Variants in SLC17A6 observed in about 807,000 individuals in gnomAD.
The protein encoded by SLC17A6 is vesicular glutamate transporter 2.
A neutral mutation model predicts 67.1 loss-of-function variants in SLC17A6; 35 were observed. That is an observed-to-expected ratio of 0.52 (90% CI 0.40 to 0.69). The LOEUF (loss-of-function observed/expected upper bound fraction) is 0.69. Among genes scored for constraint, SLC17A6 ranks in the 30% least tolerant of loss-of-function variants. The pLI is 0.00. For synonymous variants in SLC17A6, 285 were observed against 252.3 expected, an observed-to-expected ratio of 1.13 and a Z score of -1.23; for missense variants, 588 against 723.9, an observed-to-expected ratio of 0.81 and a Z score of 2.15.
At chr11:22,376,809 A>C (rs1353979997) in intron 11 of SLC17A6, 137 bp downstream of exon 11, 8 of 848,846 alleles carry the variant, frequency 9.4e-6, no homozygotes, top group African/African-American at 3.4e-5. Flanking sequence ...GGAAATATAA[A>C]TGAGGCTCAG....
At chr11:22,339,038 A>T (rs975470260) in intron 1 of SLC17A6, among the ~76,000 whole-genome samples, 5 of 144,906 alleles carry the variant, frequency 3.5e-5, no homozygotes, top group African/African-American at 1.3e-4. Context: ...AAAAATAACC[A>T]AGAAATTCCA....
At chr11:22,343,166 T>C (rs1246230246) in intron 2 of SLC17A6, 81 bp from the exon 3 acceptor site, 1 of 1,177,480 alleles carries the variant, frequency 8.5e-7, no homozygotes, top group Non-Finnish European at 1.3e-6. Flanking sequence ...TGGGGGCTTT[T>C]TGGCTTGTGA....
intron 2 of SLC17A6, among the ~76,000 whole-genome samples, chr11:22,342,731 C>T (rs926595592): frequency 7.9e-5 from 12 of 152,182 alleles, no homozygotes; most frequent in African/African-American, 2.9e-4. Context: ...CATATCCGTC[C>T]CCATTTGTGG....
Position 22,377,589 on chromosome 11 carries a change from A to C in SLC17A6, c.1598A>C (p.Gln533Pro), listed in dbSNP as rs1445632800. The C allele has an allele frequency of 6.2e-7, 1 of 1,614,152 alleles. No homozygotes were observed. The highest frequency in any genetic ancestry group is 1.1e-5 in the South Asian group (1 of 91,082). ...GATGAAGAAACAGGGGACATTACTCAAAATTATATAAATTATGGTACCACC... is the reference window on the plus strand; with the variant it reads ...GATGAAGAAACAGGGGACATTACTCCAAATTATATAAATTATGGTACCACC... ...ELDEETGDIT[Q>P]NYINYGTTKS... is the part of the protein sequence containing the mutation. Residue 533 changes from glutamine (Q) to proline (P), a missense_variant, in exon 12 of 12, where the codon CAA becomes CCA. Physicochemically the swap from Gln to Pro is moderately conservative, Grantham distance 76 (BLOSUM62 -1). Coordinates refer to ENST00000263160, the MANE Select transcript of SLC17A6 (RefSeq NM_020346.3).
intron 7 of SLC17A6, among the ~76,000 whole-genome samples, chr11:22,367,777 GA>G (rs910556218): frequency 6.6e-6 from 1 of 152,100 alleles, no homozygotes; most frequent in Non-Finnish European, 1.5e-5. Flanking sequence ...GCAGGAGAAT[GA>G]AAAAACAGCA....
At chr11:22,356,282 A>G (rs547297847) in intron 3 of SLC17A6, among the ~76,000 whole-genome samples, 1 of 152,348 alleles carries the variant, frequency 6.6e-6, no homozygotes, top group African/African-American at 2.4e-5. Context: ...TTTGAAGTGT[A>G]AATGCATGAA....
At chr11:22,342,963 T>G (rs1299905388) in intron 2 of SLC17A6, 1 of 532,152 alleles carries the variant, frequency 1.9e-6, no homozygotes, top group South Asian at 1.5e-5. Context: ...GGGGGCCCTC[T>G]AGATTCCTCC....
intron 3 of SLC17A6, among the ~76,000 whole-genome samples, chr11:22,348,180 C>A (rs1256738568): frequency 6.6e-6 from 1 of 152,128 alleles, no homozygotes; most frequent in African/African-American, 2.4e-5. Flanking sequence ...GGCAAGGTAC[C>A]TTTACAATGA....
At chr11:22,341,240 T>C (rs997560605) in intron 1 of SLC17A6, among the ~76,000 whole-genome samples, 1 of 152,126 alleles carries the variant, frequency 6.6e-6, no homozygotes, top group Admixed American at 6.5e-5. Context: ...CCTGTGTATC[T>C]CAATCAGAGC....
At position 22,372,625 on chromosome 11, in the gene SLC17A6, C is replaced by T. The variant is rs16909376; in HGVS notation, c.1042-2130C>T. Among the ~76,000 whole-genome samples, 1,111 of 151,940 alleles carry T rather than the reference C, an allele frequency of 7.3e-3. 8 individuals carry two copies. The highest frequency in any genetic ancestry group is 0.033 in the South Asian group (158 of 4,820). ...GCTTTGCTGCTATTTCTGAACAAGA[C>T]GTGGATCAGATAGGAAGACATACGA... On this transcript the variant is annotated intron_variant, in intron 8 of 11. Coordinates refer to ENST00000263160, the MANE Select transcript of SLC17A6 (RefSeq NM_020346.3).
intron 1 of SLC17A6, among the ~76,000 whole-genome samples, chr11:22,340,353 G>A (rs1174354135): frequency 2.0e-5 from 3 of 152,190 alleles, no homozygotes; most frequent in African/African-American, 7.2e-5. Flanking sequence ...TTTGTTTGTT[G>A]TTAATAGAAA....
chr11:22,342,324 G>A (rs1265351519), intron 2 of SLC17A6, among the ~76,000 whole-genome samples: 2 of 152,034 alleles, frequency 1.3e-5, no homozygotes, highest in Non-Finnish European at 2.9e-5. Context: ...GAGAGGGGAG[G>A]GTCACGTCAA....
chr11:22,376,461 A>G, intron 10 of SLC17A6, 84 bp from the exon 11 acceptor site: 1 of 1,454,840 alleles, frequency 6.9e-7, no homozygotes, highest in Non-Finnish European at 9.5e-7. Context: ...GTATATTTTA[A>G]GGAGTTGTGA....
chr11:22,370,832 C>A (rs1856167516), intron 8 of SLC17A6, among the ~76,000 whole-genome samples: 1 of 147,544 alleles, frequency 6.8e-6, no homozygotes, highest in African/African-American at 2.7e-5. Flanking sequence ...CTAACTTCCA[C>A]AGACATTTGT....
chr11:22,370,654 ACT>A (rs1856165183), intron 8 of SLC17A6, among the ~76,000 whole-genome samples: 1 of 152,066 alleles, frequency 6.6e-6, no homozygotes, highest in Admixed American at 6.6e-5. Flanking sequence ...ATCTGAAAAC[ACT>A]CTTATATTTT....
rs1855818220 is a variant in SLC17A6, at chr11:22,341,714, G to A, written c.273G>A (p.Leu91=). The change falls in exon 2 of 12, where the codon CTG becomes CTA. Residue 91 remains leucine, a synonymous_variant. Coordinates refer to ENST00000263160, the MANE Select transcript of SLC17A6 (RefSeq NM_020346.3). ...FCISFGIRCN[L]GVAIVDMVNN... ...TCTCCTTCGGTATCCGCTGCAACCT[G>A]GGCGTGGCCATTGTGGACATGGTCA... 6.2e-7 allele frequency: 1 copy of A among 1,614,098 alleles called. No homozygotes were observed. Among genetic ancestry groups the A allele is most frequent in the African/African-American group, 1.3e-5 (1 of 74,934 alleles).
At chr11:22,367,219 C>G (rs1264793970) in intron 7 of SLC17A6, among the ~76,000 whole-genome samples, 3 of 151,614 alleles carry the variant, frequency 2.0e-5, no homozygotes, top group African/African-American at 7.3e-5. Context: ...GTGTTTGATT[C>G]TAGCTCAGAT....
intron 1 of SLC17A6, among the ~76,000 whole-genome samples, 178 bp from the exon 2 acceptor site, chr11:22,341,350 G>A (rs780551204): frequency 3.9e-5 from 6 of 152,190 alleles, no homozygotes; most frequent in Non-Finnish European, 8.8e-5. Context: ...CCTGCAGAAT[G>A]TGAGAGAGCC....
At chr11:22,369,794 G>T (rs1856155165) in intron 7 of SLC17A6, among the ~76,000 whole-genome samples, 1 of 151,612 alleles carries the variant, frequency 6.6e-6, no homozygotes, top group Non-Finnish European at 1.5e-5. Flanking sequence ...ATGTAATCCT[G>T]CATATTCCTA....
Sources: allele counts gnomAD v4.1 joint callset (sites outside exome capture counted in the v4.1 genomes callset), GRCh38; gene constraint gnomAD v4.1.1; transcripts MANE v1.5; gene names NCBI Gene and HGNC (gene_info 2026-07-23, HGNC 2026-07-21).